The following EPG5 variants were observed in gnomAD, a reference collection of about 807,000 sequenced individuals.
EPG5 encodes ectopic P-granules 5 autophagy tethering factor, also known as ectopic P granules protein 5 homolog.
A neutral mutation model predicts 302.7 loss-of-function variants in EPG5; 159 were observed. The ratio of observed to expected loss-of-function variants is 0.53; its 90% CI spans 0.46 to 0.60. EPG5 has a LOEUF of 0.60. EPG5 is among the 20% of genes least tolerant of loss of function. The pLI is 0.00. For missense variants in EPG5, 2,896 were observed against 3,092.4 expected, an observed-to-expected ratio of 0.94 and a Z score of 1.51; for synonymous variants, 1,158 against 1,136.8, an observed-to-expected ratio of 1.02 and a Z score of -0.37.
chr18:45,878,841 T>C lies in EPG5; in HGVS notation c.5869+172A>G, dbSNP rs561843914. The stretch of plus-strand genomic sequence containing the variant: ...CCCTACATTCACTATGTAATGAATA[T>C]ATCCATTCATATATTGTGACATATA... On this transcript the variant is annotated intron_variant, in intron 33 of 43. Transcript: ENST00000282041. Among the ~76,000 whole-genome samples the C allele has an allele frequency of 1.4e-4, 22 of 152,330 alleles. No homozygotes were observed. In the South Asian group the frequency reaches 3.5e-3, roughly 24 times the overall value.
chr18:45,929,212 T>C (rs1399542771), intron 12 of EPG5, among the ~76,000 whole-genome samples: 2 of 152,320 alleles, frequency 1.3e-5, no homozygotes, highest in East Asian at 3.9e-4. Context: ...TATAAGAGAA[T>C]GGCAACTTCT....
chr18:45,958,187 CTTAAT>C (rs1230185936), intron 1 of EPG5, among the ~76,000 whole-genome samples: 1 of 152,174 alleles, frequency 6.6e-6, no homozygotes, highest in Non-Finnish European at 1.5e-5. Flanking sequence ...TTAAATGCAA[CTTAAT>C]TTATTTAAAT....
the EPG5 span, among the ~76,000 whole-genome samples, chr18:45,828,789 G>A: frequency 6.6e-6 from 1 of 152,160 alleles, no homozygotes; most frequent in East Asian, 1.9e-4. Flanking sequence ...TATTTACTTC[G>A]CTAGTTCTGA....
chr18:45,876,227 T>C lies in EPG5; in HGVS notation c.6049+9A>G. On this transcript the variant is annotated intron_variant, in intron 35 of 43. Transcript: ENST00000282041. ...AAAACTAAGCAGAGACAGCCTGACA[T>C]CTTCCTACCTTTAAAACTCTCATGC... 1 of 1,595,628 alleles carries C rather than the reference T, an allele frequency of 6.3e-7. No homozygotes were observed.
At chr18:45,855,723 G>T (rs1487347735) in intron 42 of EPG5, 36 bp from the exon 43 acceptor site, 3 of 1,346,302 alleles carry the variant, frequency 2.2e-6, no homozygotes, top group Non-Finnish European at 3.2e-6. Context: ...GAAGTAAATG[G>T]CTATTAAAGT....
intron 36 of EPG5, 34 bp downstream of exon 36, chr18:45,870,533 C>T: frequency 6.3e-7 from 1 of 1,598,310 alleles, no homozygotes; most frequent in South Asian, 1.1e-5. Context: ...AGCCAGATCT[C>T]TCTAGGCTGC....
intron 10 of EPG5, among the ~76,000 whole-genome samples, chr18:45,939,396 T>C (rs1054684277): frequency 2.6e-5 from 4 of 151,300 alleles, no homozygotes; most frequent in Admixed American, 6.6e-5. Flanking sequence ...CAGAAAGAAA[T>C]TGAGAGAGAG....
intron 10 of EPG5, among the ~76,000 whole-genome samples, chr18:45,937,308 TTA>T (rs2050556443): frequency 7.5e-6 from 1 of 133,548 alleles, no homozygotes; most frequent in African/African-American, 2.8e-5. Flanking sequence ...ACGTATATAT[TTA>T]TATAGGTATT....
Position 45,953,866 on chromosome 18 carries a change from T to C in EPG5, c.1008+528A>G, listed in dbSNP as rs551861192. 5 of 985,308 alleles carry C rather than the reference T, an allele frequency of 5.1e-6. No homozygotes were observed. In the African/African-American group the frequency reaches 8.7e-5, roughly 17 times the overall value. The allele number at this position is 985,308 out of a possible 1,614,324, so 61.0% of individuals were successfully genotyped here. A position where few individuals can be genotyped will look rare whatever the true frequency, so the allele number is the denominator to read the frequency against. On this transcript the variant is annotated intron_variant, in intron 2 of 43. Transcript: ENST00000282041. ...AACCCCATGGAGGCCAAAGTGATCA[T>C]AACACCTTCAGTTTCCTCATCCCTT... is the stretch of plus-strand genomic sequence containing the variant.
rs138021902 is a variant in EPG5 at position 45,890,365 on chromosome 18, G to A, written c.4810-425C>T. Among the ~76,000 whole-genome samples the A allele has an allele frequency of 6.6e-5, 10 of 152,222 alleles. No homozygotes were observed. In the East Asian group the frequency reaches 1.7e-3, roughly 26 times the overall value. ...GATGACACAGATGCTGCTCACAAATGTCGTTTTGAAAGGAAGAAAATATAT... is the reference window on the plus strand; with the variant it reads ...GATGACACAGATGCTGCTCACAAATATCGTTTTGAAAGGAAGAAAATATAT... On this transcript the variant is annotated intron_variant, in intron 27 of 43. Coordinates refer to ENST00000282041, the MANE Select transcript of EPG5 (RefSeq NM_020964.3).
chr18:45,964,531 A>C (rs1012558333), intron 1 of EPG5, among the ~76,000 whole-genome samples: 6 of 152,040 alleles, frequency 3.9e-5, no homozygotes, highest in Middle Eastern at 6.8e-3. Context: ...TTCACTGGAT[A>C]GGTATGTTTT....
In EPG5 at chr18:45,954,992, T is replaced by C; in HGVS notation, c.410A>G (p.Asn137Ser). The part of the protein sequence containing the change: ...NVGTKVETPK[N>S]FTEVEENMSV... ...CATATTTTCCTCTACCTCTGTGAAG[T>C]TCTTGGGGGTTTCTACTTTAGTTCC... Residue 137 changes from asparagine to serine, a missense_variant, in exon 2 of 44, where the codon AAC becomes AGC. Physicochemically the swap from Asn to Ser is conservative, Grantham distance 46. Around this residue, in one of 5 missense-constraint regions of EPG5, gnomAD observed 1,390 missense variants for 1,430.0 expected, o/e 0.97. Transcript: ENST00000282041. The C allele has an allele frequency of 6.2e-7, 1 of 1,614,154 alleles. No individual in the cohort carries two copies.
At chr18:45,810,835 A>G in the EPG5 span, among the ~76,000 whole-genome samples, 2 of 152,330 alleles carry the variant, frequency 1.3e-5, no homozygotes, top group South Asian at 4.1e-4. Context: ...TGGATTTCAT[A>G]GCAGGGATGT....
the EPG5 span, among the ~76,000 whole-genome samples, chr18:45,812,501 C>G: frequency 4.6e-5 from 7 of 152,188 alleles, no homozygotes; most frequent in Non-Finnish European, 7.3e-5. Flanking sequence ...AGGCATCACA[C>G]TACCTGACTT....
chr18:45,852,481 C>T lies in EPG5; in HGVS notation c.7726G>A (p.Asp2576Asn), dbSNP rs200967600. The T allele has an allele frequency of 1.1e-5, 18 of 1,613,874 alleles. No individual in the cohort carries two copies. The Admixed American group carries it at 3.0e-4, about 27-fold the overall frequency. ...CTCAGTGTTAACTATCGTATGTGGT[C>T]CAAATAATGCACTTCTGGATACAGA... is the stretch of plus-strand genomic sequence containing the variant. ...NCLYPEVHYL[D>N]HIR Residue 2576 changes from aspartate (D) to asparagine (N), a missense_variant, in exon 44 of 44, where the codon GAC (aspartate) becomes AAC (asparagine). Around this residue, in one of 5 missense-constraint regions of EPG5, gnomAD observed 620 missense variants for 704.2 expected, o/e 0.88. Transcript: ENST00000282041.
downstream of EPG5, among the ~76,000 whole-genome samples, chr18:45,846,875 G>C (rs2048369546): frequency 6.6e-6 from 1 of 152,176 alleles, no homozygotes; most frequent in Admixed American, 6.5e-5. Context: ...AGAGAGAAAA[G>C]GGCTGTCTTC....
rs1367694881 is a variant in EPG5 at position 45,954,842 on chromosome 18, C to T, written c.560G>A (p.Cys187Tyr). Reference protein sequence around the residue: ...NSKEDKQGLVCSSEVPQNVGL... With the variant: ...NSKEDKQGLVYSSEVPQNVGL... Reference sequence around the variant, plus strand: ...AACATTCTGTGGCACCTCTGAAGAACAAACCAGGCCTTGTTTGTCTTCTTT... The same window carrying T: ...AACATTCTGTGGCACCTCTGAAGAATAAACCAGGCCTTGTTTGTCTTCTTT... Residue 187 changes from cysteine to tyrosine, a missense_variant, in exon 2 of 44, where the codon TGT becomes TAT. Around this residue, in one of 5 missense-constraint regions of EPG5, gnomAD observed 1,390 missense variants for 1,430.0 expected, o/e 0.97. Coordinates refer to ENST00000282041, the MANE Select transcript of EPG5 (RefSeq NM_020964.3). The T allele has an allele frequency of 4.3e-6, 7 of 1,614,100 alleles. No homozygotes were observed. The highest frequency in any genetic ancestry group is 1.3e-5 in the African/African-American group (1 of 74,938).
the EPG5 span, among the ~76,000 whole-genome samples, chr18:45,826,975 C>T: frequency 4.6e-5 from 7 of 152,160 alleles, no homozygotes; most frequent in East Asian, 1.9e-4. Context: ...AGTGCAGTGG[C>T]GCAATCTCAG....
At chr18:45,948,411 G>A in intron 6 of EPG5, 92 bp downstream of exon 6, 1 of 989,880 alleles carries the variant, frequency 1.0e-6, no homozygotes, top group Non-Finnish European at 1.6e-6. Flanking sequence ...TCCCTTAGCT[G>A]TTCTTCTTTG....
Sources: gnomAD v4.1 joint callset for allele counts (sites outside exome capture counted in the v4.1 genomes callset) on GRCh38, gnomAD v4.1.1 for gene constraint, gnomAD v4.1.1 regional missense constraint, MANE v1.5 for transcripts, NCBI Gene and HGNC (gene_info 2026-07-23, HGNC 2026-07-21) for gene names.